Variants in PTGER4 observed in about 807,000 individuals in gnomAD.
The protein encoded by PTGER4 is prostaglandin E receptor 4.
PTGER4 carries 11 observed loss-of-function variants against 33.2 expected under a neutral mutation model. The observed-to-expected ratio is 0.33, with a 90% CI of 0.21 to 0.55. The LOEUF (loss-of-function observed/expected upper bound fraction) is 0.55. Ranked by LOEUF, PTGER4 falls within the 20% of genes least tolerant of loss-of-function variation. The probability of loss-of-function intolerance (pLI) is 0.92; values close to 1 mark genes in which losing one functional copy is unlikely to be tolerated. For missense variants in PTGER4, 481 were observed against 650.2 expected (o/e 0.74, Z 2.83); for synonymous variants, 275 against 281.5 (o/e 0.98, Z 0.23).
rs1469395046 is a variant in PTGER4, at chr5:40,692,800, A to G, written c.*422A>G. On this transcript the variant is annotated 3_prime_UTR_variant, in exon 3 of 3. Coordinates refer to ENST00000302472, the MANE Select transcript of PTGER4 (RefSeq NM_000958.3). ...GATGATTTAAGTGTCTCACTAAAGC[A>G]TGAAATGTGAATTTTTATTGTTGTA... The G allele has an allele frequency of 1.0e-6, 1 of 990,160 alleles. No homozygotes were observed. Among genetic ancestry groups the G allele is most frequent in the Admixed American group, 5.9e-5 (1 of 16,936 alleles). The allele number at this position is 990,160 out of a possible 1,614,324, so 61.3% of individuals were successfully genotyped here.
At chr5:40,736,255 C>T in the PTGER4 span, among the ~76,000 whole-genome samples, 1 of 152,110 alleles carries the variant, frequency 6.6e-6, no homozygotes, top group Non-Finnish European at 1.5e-5. Flanking sequence ...TATGTTTTTC[C>T]ACAGAGCATG....
chr5:40,709,180 C>T, the PTGER4 span, among the ~76,000 whole-genome samples: 2 of 152,062 alleles, frequency 1.3e-5, no homozygotes, highest in Admixed American at 6.6e-5. Context: ...AAGTTCTGGC[C>T]GGGGCAATCA....
rs766016342 is a variant in PTGER4 at position 40,681,756 on chromosome 5, C to CGGCGCCGCCGGAGCT, written c.764_778dup (p.Ser259_Phe260insTrpArgArgArgSer). On this transcript the variant is annotated inframe_insertion, in exon 2 of 3. Transcript: ENST00000302472. This position sits in a 1 kb window ranked among gnomAD's most constrained non-coding sequence, Gnocchi z 9.8. ...AGCCTTGCCGCGCCTCAGCGACTTT[C>CGGCGCCGCCGGAGCT]GGCGCCGCCGGAGCTTCCGCCGCAT... The CGGCGCCGCCGGAGCT allele has an allele frequency of 1.8e-5, 28 of 1,595,548 alleles. No individual in the cohort carries two copies. Among genetic ancestry groups the CGGCGCCGCCGGAGCT allele is most frequent in the Non-Finnish European group, 2.4e-5 (28 of 1,175,304 alleles).
rs553435489 is a variant in PTGER4, at chr5:40,687,964, G to T, written c.868-3815G>T. ...GCTGCTGTGGATGAGATGAGGCACA[G>T]AAATGATTCTTTCCTTGCCTCTCAT... On this transcript the variant is annotated intron_variant, in intron 2 of 2. Transcript: ENST00000302472. Among the ~76,000 whole-genome samples, 6 of 152,164 alleles carry T rather than the reference G, an allele frequency of 3.9e-5. No individual in the cohort carries two copies. The East Asian group carries it at 9.6e-4, about 24-fold the overall frequency.
At chr5:40,685,452 C>T in intron 2 of PTGER4, 1 of 985,302 alleles carries the variant, frequency 1.0e-6, no homozygotes, top group African/African-American at 1.7e-5. Context: ...TGAAGCACAT[C>T]TATACATACA....
At chr5:40,695,278 C>T (rs1475229413), downstream of PTGER4, among the ~76,000 whole-genome samples, 1 of 152,150 alleles carries the variant, frequency 6.6e-6, no homozygotes, top group Non-Finnish European at 1.5e-5. Flanking sequence ...GGCGTGGTGG[C>T]TTACACCTGT....
the PTGER4 span, among the ~76,000 whole-genome samples, chr5:40,705,979 C>G: frequency 6.6e-6 from 1 of 152,096 alleles, no homozygotes; most frequent in South Asian, 2.1e-4. Flanking sequence ...TACTGGGTGC[C>G]TTTACCCAGA....
At chr5:40,730,153 A>G in the PTGER4 span, 1 of 810,044 alleles carries the variant, frequency 1.2e-6, no homozygotes, top group Non-Finnish European at 1.9e-6. Context: ...AAGAAACCGT[A>G]TTTGTAAAAG....
chr5:40,741,154 G>A, the PTGER4 span, among the ~76,000 whole-genome samples: 1 of 152,174 alleles, frequency 6.6e-6, no homozygotes, highest in African/African-American at 2.4e-5. Context: ...TATTTTAAAT[G>A]TTACACTGTT....
chr5:40,721,523 A>G, the PTGER4 span, among the ~76,000 whole-genome samples: 1 of 152,194 alleles, frequency 6.6e-6, no homozygotes, highest in Non-Finnish European at 1.5e-5. Flanking sequence ...AGTTTCTTCA[A>G]CAAATGATGC....
Position 40,681,167 on chromosome 5 carries a change from A to G in PTGER4, c.174A>G (p.Val58=), listed in dbSNP as rs374489874. The G allele has an allele frequency of 1.1e-5, 17 of 1,614,020 alleles. No homozygotes were observed. Among genetic ancestry groups the G allele is most frequent in the Non-Finnish European group, 1.4e-5 (17 of 1,180,048 alleles). ...AGGAGACGACCTTCTACACGCTGGT[A>G]TGTGGGCTGGCTGTCACCGACCTGT... ...EQKETTFYTL[V]CGLAVTDLLG... The change falls in exon 2 of 3, where the codon GTA becomes GTG. Residue 58 remains valine, a synonymous_variant. Transcript: ENST00000302472. This position sits in a 1 kb window ranked among gnomAD's most constrained non-coding sequence, Gnocchi z 9.8.
At chr5:40,732,919 A>G in the PTGER4 span, among the ~76,000 whole-genome samples, 2 of 152,068 alleles carry the variant, frequency 1.3e-5, no homozygotes, top group Non-Finnish European at 2.9e-5. Context: ...AATATAACAG[A>G]TTCTATCTAC....
the PTGER4 span, among the ~76,000 whole-genome samples, chr5:40,742,441 T>C: frequency 6.6e-6 from 1 of 152,216 alleles, no homozygotes; most frequent in African/African-American, 2.4e-5. Context: ...AGATATTTTC[T>C]GCAGAAAAGG....
In PTGER4 at chr5:40,681,482, G is replaced by A; in HGVS notation, c.489G>A (p.Leu163=). The change falls in exon 2 of 3, where the codon CTG becomes CTA. Residue 163 remains leucine (L), a synonymous_variant. Transcript: ENST00000302472. This position sits in a 1 kb window ranked among gnomAD's most constrained non-coding sequence, Gnocchi z 9.8. ...LPNMGLGSSR[L]QYPDTWCFID... ...ACATGGGTCTCGGTAGCTCGCGGCT[G>A]CAGTACCCAGACACCTGGTGCTTCA... is the stretch of plus-strand genomic sequence containing the variant. 1 of 1,613,466 alleles carries A rather than the reference G, an allele frequency of 6.2e-7. No individual in the cohort carries two copies. Among genetic ancestry groups the A allele is most frequent in the South Asian group, 1.1e-5 (1 of 91,088 alleles).
At chr5:40,741,900 A>C in the PTGER4 span, among the ~76,000 whole-genome samples, 2 of 152,102 alleles carry the variant, frequency 1.3e-5, no homozygotes, top group African/African-American at 4.8e-5. Context: ...GAGGCAGGAG[A>C]ACCGCTTGAG....
At chr5:40,719,178 C>T in the PTGER4 span, among the ~76,000 whole-genome samples, 9 of 152,168 alleles carry the variant, frequency 5.9e-5, no homozygotes, top group Non-Finnish European at 8.8e-5. Context: ...ATTTTTATCA[C>T]CCCCAAAGAA....
the PTGER4 span, chr5:40,716,107 T>A: frequency 6.7e-7 from 1 of 1,497,282 alleles, no homozygotes; most frequent in Non-Finnish European, 9.0e-7. Context: ...CAAGAGGCAA[T>A]CAAAAAGACA....
At chr5:40,707,559 T>C in the PTGER4 span, among the ~76,000 whole-genome samples, 3,706 of 152,218 alleles carry the variant, frequency 0.024, 52 homozygotes, top group East Asian at 0.064. Context: ...CAAAGAGACT[T>C]AGACTCCCAC....
At chr5:40,686,135 T>C (rs753972998) in intron 2 of PTGER4, among the ~76,000 whole-genome samples, 3 of 152,158 alleles carry the variant, frequency 2.0e-5, no homozygotes, top group Admixed American at 6.5e-5. Flanking sequence ...TGTGTCAATT[T>C]TGGACTCTTA....
Sources: gnomAD v4.1 joint callset for allele counts (sites outside exome capture counted in the v4.1 genomes callset) on GRCh38, gnomAD v4.1.1 for gene constraint, Gnocchi (gnomAD v3.1) non-coding constraint, MANE v1.5 for transcripts, NCBI Gene and HGNC (gene_info 2026-07-23, HGNC 2026-07-21) for gene names.